Variants in SOX5 observed in about 807,000 individuals in gnomAD.
The protein encoded by SOX5 is transcription factor SOX-5.
In SOX5, 9 loss-of-function variants were observed where a neutral mutation model predicts 92.0. The observed-to-expected ratio is 0.10, with a 90% confidence interval of 0.06 to 0.17. SOX5 has a LOEUF of 0.17. Among genes scored for constraint, SOX5 ranks in the 10% least tolerant of loss-of-function variants. The pLI is 1.00. For synonymous variants in SOX5, 344 were observed against 336.3 expected, an observed-to-expected ratio of 1.02 and a Z score of -0.25; for missense variants, 642 against 944.5, an observed-to-expected ratio of 0.68 and a Z score of 4.20.
intron 1 of SOX5, among the ~76,000 whole-genome samples, chr12:23,901,885 G>C (rs1039877413): frequency 1.3e-5 from 2 of 152,138 alleles, no homozygotes; most frequent in Non-Finnish European, 2.9e-5. Context: ...AGTATGCTTC[G>C]AATATGTCTC....
intron 4 of SOX5, among the ~76,000 whole-genome samples, chr12:23,960,606 TACA>T (rs1403565450): frequency 6.8e-6 from 1 of 147,640 alleles, no homozygotes; most frequent in Non-Finnish European, 1.5e-5. Flanking sequence ...TAATTAGGGA[TACA>T]ACAACACGAT....
intron 3 of SOX5, among the ~76,000 whole-genome samples, chr12:24,274,191 G>A (rs534364308): frequency 1.1e-4 from 17 of 152,044 alleles, no homozygotes; most frequent in South Asian, 1.0e-3. Flanking sequence ...CTATTTTATT[G>A]TATCAATTAC....
At chr12:24,285,473 T>G (rs1319426236) in intron 2 of SOX5, among the ~76,000 whole-genome samples, 2 of 152,216 alleles carry the variant, frequency 1.3e-5, no homozygotes, top group African/African-American at 4.8e-5. Flanking sequence ...CTTATCGATA[T>G]TCTTTACAAA....
rs1022879326 is a variant in SOX5 at position 24,317,113 on chromosome 12, G to A, written c.-173-39801C>T. On this transcript the variant is annotated intron_variant, in intron 2 of 4. Transcript: ENST00000446891. ...GATAATGAGATAAAGAAAGAGCTGA[G>A]ATCTTTTATTTTAGGTTCAAGACAA... Among the ~76,000 whole-genome samples the A allele has an allele frequency of 3.3e-5, 5 of 152,152 alleles. No individual in the cohort carries two copies. In the South Asian group the frequency reaches 1.0e-3, roughly 32 times the overall value.
At chr12:24,410,579 G>T (rs1963897887) in intron 1 of SOX5, among the ~76,000 whole-genome samples, 1 of 152,028 alleles carries the variant, frequency 6.6e-6, no homozygotes, top group African/African-American at 2.4e-5. Context: ...GTTTTTTTCT[G>T]TTGAATTGCT....
At chr12:23,912,615 C>T (rs2138455496) in intron 1 of SOX5, among the ~76,000 whole-genome samples, 1 of 152,184 alleles carries the variant, frequency 6.6e-6, no homozygotes, top group East Asian at 1.9e-4. Context: ...AATGAAAAAA[C>T]AATACGTGGC....
At chr12:24,409,685 T>A (rs1698909541) in intron 1 of SOX5, among the ~76,000 whole-genome samples, 1 of 152,200 alleles carries the variant, frequency 6.6e-6, no homozygotes, top group Non-Finnish European at 1.5e-5. Context: ...TTTCTGTACA[T>A]CCTTGTCAGC....
rs938338359 is a variant in SOX5, at chr12:23,965,434, C to A, written c.-1-69410G>T. ...AGCCACCACAGTTAGATGGGGGGGACCTCAGGCACGAAGACCAGAGGTAAA... is the reference window on the plus strand; with the variant it reads ...AGCCACCACAGTTAGATGGGGGGGAACTCAGGCACGAAGACCAGAGGTAAA... On this transcript the variant is annotated intron_variant, in intron 4 of 4. Transcript: ENST00000446891. 9.2e-5 allele frequency among the ~76,000 whole-genome samples: 14 copies of A among 152,214 alleles called. No individual in the cohort carries two copies. The East Asian group carries it at 2.7e-3, about 29-fold the overall frequency.
At chr12:24,130,738 C>T (rs571684790) in intron 4 of SOX5, among the ~76,000 whole-genome samples, 1 of 152,302 alleles carries the variant, frequency 6.6e-6, no homozygotes, top group South Asian at 2.1e-4. Context: ...CTCTTCTCAC[C>T]TTTTGCTGGC....
rs1956358843 is a variant in SOX5, at chr12:24,368,196, T to C, written c.-174+367A>G. ...AGCAGAAGAGTCAATGTTTTATGTG[T>C]GAAGAAGAAATGTACATTGTTGCTA... On this transcript the variant is annotated intron_variant, in intron 2 of 4. Coordinates refer to the SOX5 transcript ENST00000446891. 2.6e-5 allele frequency: 4 copies of C among 152,206 alleles called. No individual in the cohort carries two copies. In the South Asian group the frequency reaches 8.3e-4, roughly 31 times the overall value. The allele number at this position is 152,206 out of a possible 1,614,324, so 9.4% of individuals were successfully genotyped here.
At chr12:23,760,548 C>T (rs2094533922) in intron 3 of SOX5, among the ~76,000 whole-genome samples, 1 of 152,090 alleles carries the variant, frequency 6.6e-6, no homozygotes, top group African/African-American at 2.4e-5. Flanking sequence ...CCTTCTCACT[C>T]TTGCCTCTTT....
At chr12:23,909,950 T>G (rs992134059) in intron 1 of SOX5, among the ~76,000 whole-genome samples, 1 of 151,992 alleles carries the variant, frequency 6.6e-6, no homozygotes, top group Non-Finnish European at 1.5e-5. Context: ...TTTTTTTTGT[T>G]TTTTGTTTTT....
intron 1 of SOX5, among the ~76,000 whole-genome samples, chr12:24,425,842 G>A (rs956034358): frequency 6.6e-6 from 1 of 152,096 alleles, no homozygotes; most frequent in Non-Finnish European, 1.5e-5. Flanking sequence ...AAGATCACCA[G>A]GCAGAATTAG....
intron 3 of SOX5, among the ~76,000 whole-genome samples, chr12:23,839,199 C>G (rs1044804921): frequency 6.6e-6 from 1 of 151,918 alleles, no homozygotes; most frequent in African/African-American, 2.4e-5. Context: ...GGGGAGGTAT[C>G]TATCTCCTGT....
chr12:24,009,854 T>C (rs180677847), intron 4 of SOX5, among the ~76,000 whole-genome samples: 15 of 152,090 alleles, frequency 9.9e-5, no homozygotes, highest in African/African-American at 2.9e-4. Flanking sequence ...CCCCCAGAAA[T>C]TGAAACTATA....
At chr12:24,345,192 A>C (rs1402236040) in intron 2 of SOX5, among the ~76,000 whole-genome samples, 1 of 152,232 alleles carries the variant, frequency 6.6e-6, no homozygotes, top group Non-Finnish European at 1.5e-5. Flanking sequence ...AAATTAAATA[A>C]ATTCACTGTA....
chr12:23,689,548 C>T (rs966859247), intron 6 of SOX5, among the ~76,000 whole-genome samples: 34 of 152,224 alleles, frequency 2.2e-4, no homozygotes, highest in African/African-American at 7.5e-4. Context: ...TTCTGATCAC[C>T]TCTTCTCATC....
intron 2 of SOX5, among the ~76,000 whole-genome samples, chr12:23,874,222 T>C (rs1377220503): frequency 6.6e-6 from 1 of 152,230 alleles, no homozygotes; most frequent in Non-Finnish European, 1.5e-5. Context: ...TTTCCTCATC[T>C]AAATTCTTAG....
At chr12:24,283,922 TAG>T (rs1315561067) in intron 2 of SOX5, among the ~76,000 whole-genome samples, 2 of 152,206 alleles carry the variant, frequency 1.3e-5, no homozygotes, top group African/African-American at 4.8e-5. Context: ...CCAGCTAAAG[TAG>T]AGTTTGTCTG....
Sources: allele counts gnomAD v4.1 joint callset (sites outside exome capture counted in the v4.1 genomes callset), GRCh38; gene constraint gnomAD v4.1.1; transcripts MANE v1.5; gene names NCBI Gene and HGNC (gene_info 2026-07-23, HGNC 2026-07-21).